The following SCHIP1 variants were observed in gnomAD, a reference collection of about 807,000 sequenced individuals.
SCHIP1 encodes schwannomin interacting protein 1, also known as schwannomin-interacting protein 1.
Under a neutral mutation model 29.7 loss-of-function variants are expected in SCHIP1, and 8 were observed. The observed-to-expected ratio is 0.27, with a 90% CI of 0.16 to 0.49. The LOEUF is 0.49. Ranked by LOEUF, SCHIP1 falls within the 20% of genes least tolerant of loss-of-function variation. SCHIP1 has a pLI of 0.99. For synonymous variants in SCHIP1, 76 were observed against 94.9 expected, an observed-to-expected ratio of 0.80 and a Z score of 1.16; for missense variants, 193 against 294.6, an observed-to-expected ratio of 0.66 and a Z score of 2.52.
the SCHIP1 span, among the ~76,000 whole-genome samples, chr3:159,517,420 T>C: frequency 1.3e-5 from 2 of 152,152 alleles, no homozygotes; most frequent in African/African-American, 4.8e-5. Context: ...TATAAATACA[T>C]GCCTTCAAAA....
the SCHIP1 span, among the ~76,000 whole-genome samples, chr3:159,294,398 A>G: frequency 6.6e-6 from 1 of 152,190 alleles, no homozygotes; most frequent in African/African-American, 2.4e-5. Context: ...TGCCAACGAG[A>G]TGCTTTAAAA....
the SCHIP1 span, among the ~76,000 whole-genome samples, chr3:159,732,681 A>G: frequency 1.3e-5 from 2 of 151,900 alleles, no homozygotes; most frequent in Non-Finnish European, 2.9e-5. Context: ...GGGCAGGGGA[A>G]ACAAATTCAG....
the SCHIP1 span, chr3:159,273,883 T>A: frequency 6.2e-7 from 1 of 1,613,372 alleles, no homozygotes; most frequent in East Asian, 2.2e-5. Context: ...ACTCTGACAG[T>A]GTAAGTTTTA....
chr3:159,334,560 C>T, the SCHIP1 span, among the ~76,000 whole-genome samples: 1 of 152,116 alleles, frequency 6.6e-6, no homozygotes, highest in Non-Finnish European at 1.5e-5. Context: ...CCAAAATTTC[C>T]TCATGCTGCC....
At chr3:159,279,566 A>G in the SCHIP1 span, among the ~76,000 whole-genome samples, 1 of 152,108 alleles carries the variant, frequency 6.6e-6, no homozygotes, top group Non-Finnish European at 1.5e-5. Context: ...CTTCTGTTCT[A>G]CTGTGGGAAG....
At chr3:159,304,631 C>T in the SCHIP1 span, among the ~76,000 whole-genome samples, 1 of 152,170 alleles carries the variant, frequency 6.6e-6, no homozygotes, top group African/African-American at 2.4e-5. Context: ...GTGTTGTCTC[C>T]TTTAAAGAAG....
At chr3:159,299,798 C>T in the SCHIP1 span, among the ~76,000 whole-genome samples, 1 of 152,270 alleles carries the variant, frequency 6.6e-6, no homozygotes, top group African/African-American at 2.4e-5. Context: ...TCTTCCCTGA[C>T]GTAGCCTTGT....
At chr3:159,571,941 T>C in the SCHIP1 span, among the ~76,000 whole-genome samples, 1 of 152,200 alleles carries the variant, frequency 6.6e-6, no homozygotes, top group African/African-American at 2.4e-5. Context: ...TCTCTGATGG[T>C]AGTTTGTATT....
chr3:159,695,580 G>T, the SCHIP1 span, among the ~76,000 whole-genome samples: 46 of 152,252 alleles, frequency 3.0e-4, no homozygotes, highest in Admixed American at 7.8e-4. Flanking sequence ...GGCACCATGT[G>T]GCTTTTGTCT....
the SCHIP1 span, among the ~76,000 whole-genome samples, chr3:159,373,483 T>G: frequency 6.6e-6 from 1 of 152,068 alleles, no homozygotes; most frequent in South Asian, 2.1e-4. Flanking sequence ...TATAATACAT[T>G]ATTATTTATT....
At chr3:159,776,704 T>C in the SCHIP1 span, among the ~76,000 whole-genome samples, 1 of 152,222 alleles carries the variant, frequency 6.6e-6, no homozygotes, top group Non-Finnish European at 1.5e-5. Flanking sequence ...TTCTTGTGTC[T>C]CATATAGAAA....
At chr3:159,351,737 C>T in the SCHIP1 span, among the ~76,000 whole-genome samples, 18 of 152,078 alleles carry the variant, frequency 1.2e-4, no homozygotes, top group African/African-American at 4.3e-4. Flanking sequence ...AGTGAGTGCA[C>T]AGCAAGACGG....
the SCHIP1 span, among the ~76,000 whole-genome samples, chr3:159,275,697 G>T: frequency 6.6e-6 from 1 of 152,028 alleles, no homozygotes; most frequent in Non-Finnish European, 1.5e-5. Flanking sequence ...AGAAATTGTT[G>T]CTGTATGACA....
At chr3:159,655,963 T>A in the SCHIP1 span, among the ~76,000 whole-genome samples, 1 of 152,298 alleles carries the variant, frequency 6.6e-6, no homozygotes, top group South Asian at 2.1e-4. Flanking sequence ...GACTAGTTCT[T>A]CAAGGATGAA....
chr3:159,458,402 C>T, the SCHIP1 span, among the ~76,000 whole-genome samples: 4 of 152,162 alleles, frequency 2.6e-5, no homozygotes, highest in African/African-American at 2.4e-5. Flanking sequence ...CCCAGGAGGG[C>T]GATCTCAGCA....
chr3:159,382,806 G>A, the SCHIP1 span, among the ~76,000 whole-genome samples: 1 of 152,180 alleles, frequency 6.6e-6, no homozygotes, highest in Non-Finnish European at 1.5e-5. Context: ...ATTCTAACTG[G>A]TGTGAGATGG....
At chr3:159,557,471 G>A in the SCHIP1 span, among the ~76,000 whole-genome samples, 4 of 151,982 alleles carry the variant, frequency 2.6e-5, no homozygotes, top group African/African-American at 9.7e-5. Context: ...TGGCTCATTC[G>A]GAAAACAATA....
At chr3:159,483,635 TAAATC>T in the SCHIP1 span, among the ~76,000 whole-genome samples, 1 of 152,208 alleles carries the variant, frequency 6.6e-6, no homozygotes, top group African/African-American at 2.4e-5. Flanking sequence ...TGCATTTTAT[TAAATC>T]AACACACTAT....
chr3:159,699,559 T>C, the SCHIP1 span, among the ~76,000 whole-genome samples: 1 of 152,182 alleles, frequency 6.6e-6, no homozygotes, highest in African/African-American at 2.4e-5. Context: ...GCTGGAGGGC[T>C]GTGCAAACTG....
Sources: gnomAD v4.1 joint callset for allele counts (sites outside exome capture counted in the v4.1 genomes callset) on GRCh38, gnomAD v4.1.1 for gene constraint, MANE v1.5 for transcripts, NCBI Gene and HGNC (gene_info 2026-07-23, HGNC 2026-07-21) for gene names.